Variants in MTMR10 observed in about 807,000 individuals in gnomAD.
The protein encoded by MTMR10 is myotubularin related protein 10, also known as myotubularin-related protein 10.
A neutral mutation model predicts 88.1 loss-of-function variants in MTMR10; 56 were observed. The ratio of observed to expected loss-of-function variants is 0.64; its 90% CI spans 0.51 to 0.79. The LOEUF (loss-of-function observed/expected upper bound fraction) is 0.79, where lower values mean the gene tolerates loss of function less well. Among genes scored for constraint, MTMR10 ranks in the 30% least tolerant of loss-of-function variants. MTMR10 has a pLI of 0.00. For synonymous variants in MTMR10, 380 were observed against 340.9 expected (o/e 1.11, Z -1.26); for missense variants, 883 against 924.7 (o/e 0.95, Z 0.58).
At chr15:30,922,109 G>T in the MTMR10 span, 1 of 1,246,260 alleles carries the variant, frequency 8.0e-7, no homozygotes, top group Non-Finnish European at 1.1e-6. Context: ...CGGGGTCCTT[G>T]GCCTCATTGT....
At chr15:30,925,988 C>G in the MTMR10 span, 2 of 1,594,302 alleles carry the variant, frequency 1.3e-6, no homozygotes. Flanking sequence ...GGTGGACGAG[C>G]AGCAGCACTG....
chr15:30,930,718 A>G, the MTMR10 span: 5 of 1,603,814 alleles, frequency 3.1e-6, no homozygotes, highest in South Asian at 3.3e-5. Flanking sequence ...CTTATTAGCA[A>G]CTGAATCAGA....
chr15:30,938,824 T>G, downstream of MTMR10: 1 of 826,406 alleles, frequency 1.2e-6, no homozygotes, highest in Non-Finnish European at 1.5e-6. Context: ...CTACCTGGCT[T>G]TAGAGGGCAA....
downstream of MTMR10, among the ~76,000 whole-genome samples, chr15:30,935,626 A>G (rs1044276330): frequency 6.6e-6 from 1 of 152,106 alleles, no homozygotes; most frequent in African/African-American, 2.4e-5. Flanking sequence ...GCATCCATGG[A>G]TTTTGGTAAC....
At chr15:30,932,045 ACCCCGTCT>A in the MTMR10 span, among the ~76,000 whole-genome samples, 1 of 151,890 alleles carries the variant, frequency 6.6e-6, no homozygotes, top group African/African-American at 2.4e-5. Flanking sequence ...ACATGGTGAA[ACCCCGTCT>A]CTACTAAAAA....
In MTMR10 at chr15:30,939,162, G is replaced by A; in HGVS notation, c.*2308C>T. 2 of 985,316 alleles carry A rather than the reference G, an allele frequency of 2.0e-6. No homozygotes were observed. The highest frequency in any genetic ancestry group is 2.4e-6 in the Non-Finnish European group (2 of 829,808). The allele number at this position is 985,316 out of a possible 1,614,324, so 61.0% of individuals were successfully genotyped here. On this transcript the variant is annotated 3_prime_UTR_variant, in exon 16 of 16. Transcript: ENST00000435680. ...CAAATGTGAACAGCTTTCACCCTCT[G>A]TTAGTACAAATTAATATCCTTTCCT... is the stretch of plus-strand genomic sequence containing the variant.
chr15:30,929,371 C>T, the MTMR10 span: 325 of 1,607,520 alleles, frequency 2.0e-4, 2 homozygotes, highest in East Asian at 5.9e-3. Context: ...CAGCTGGGAT[C>T]GCTTCACGTC....
intron 9 of MTMR10, among the ~76,000 whole-genome samples, chr15:30,957,411 A>G (rs1448349556): frequency 6.6e-6 from 1 of 152,182 alleles, no homozygotes. Context: ...TGAGGAAATG[A>G]TGTTTGAATT....
intron 15 of MTMR10, 143 bp from the exon 16 acceptor site, chr15:30,942,215 C>G: frequency 9.7e-7 from 1 of 1,027,340 alleles, no homozygotes; most frequent in South Asian, 1.6e-5. Context: ...CCTTTGTGTC[C>G]TTATTCTAAT....
chr15:30,927,528 G>C, the MTMR10 span: 3 of 985,772 alleles, frequency 3.0e-6, no homozygotes, highest in Non-Finnish European at 3.6e-6. Flanking sequence ...CAGGCATGAC[G>C]GGCTGTGGCT....
chr15:30,932,192 A>C, the MTMR10 span, among the ~76,000 whole-genome samples: 1 of 143,026 alleles, frequency 7.0e-6, no homozygotes, highest in African/African-American at 2.6e-5. Flanking sequence ...ACTGCACTCC[A>C]GCCTGGGCAA....
Position 30,939,697 on chromosome 15 carries a change from C to T in MTMR10, c.*1773G>A, listed in dbSNP as rs2140979294. The T allele has an allele frequency of 1.0e-6, 1 of 967,098 alleles. No individual in the cohort carries two copies. Among genetic ancestry groups the T allele is most frequent in the East Asian group, 1.1e-4 (1 of 8,708 alleles). 59.9% of individuals were successfully genotyped at this position (967,098 alleles called of 1,614,324 possible). On this transcript the variant is annotated 3_prime_UTR_variant, in exon 16 of 16. Transcript: ENST00000435680. ...GAAGAAAATTACAGAGGGAAAAATG[C>T]TCAATCCAAAACATTTAGTAATAAT...
chr15:30,929,170 A>G, the MTMR10 span: 1 of 1,598,900 alleles, frequency 6.3e-7, no homozygotes. Context: ...CTCTGCAGGC[A>G]CAGTATGACA....
intron 6 of MTMR10, among the ~76,000 whole-genome samples, chr15:30,964,081 T>TC (rs1316450341): frequency 1.3e-5 from 2 of 152,044 alleles, no homozygotes; most frequent in Non-Finnish European, 2.9e-5. Context: ...TAGAGGGTGT[T>TC]TATCAAAAAG....
chr15:30,967,567 T>C (rs2063487553), intron 6 of MTMR10, among the ~76,000 whole-genome samples: 1 of 152,210 alleles, frequency 6.6e-6, no homozygotes, highest in Non-Finnish European at 1.5e-5. Context: ...AATATATCTT[T>C]TAGTTTTCTG....
In MTMR10 at chr15:30,991,559, C is replaced by A; in HGVS notation, c.-53G>T. On this transcript the variant is annotated 5_prime_UTR_variant, in exon 1 of 16. Transcript: ENST00000435680. Reference sequence around the variant, plus strand: ...CGTCGCGGGCCAGTGGCAGCGCCGACGCCTCCGGGCGTAAAGCTCTCAGTG... The same window carrying A: ...CGTCGCGGGCCAGTGGCAGCGCCGAAGCCTCCGGGCGTAAAGCTCTCAGTG... The A allele has an allele frequency of 1.3e-6, 2 of 1,522,462 alleles. No homozygotes were observed. Among genetic ancestry groups the A allele is most frequent in the Non-Finnish European group, 8.7e-7 (1 of 1,143,920 alleles). The allele number at this position is 1,522,462 out of a possible 1,614,324, so 94.3% of individuals were successfully genotyped here. A position where few individuals can be genotyped will look rare whatever the true frequency, so the allele number is the denominator to read the frequency against.
chr15:30,928,125 A>C, the MTMR10 span: 3 of 1,003,908 alleles, frequency 3.0e-6, no homozygotes, highest in Non-Finnish European at 3.6e-6. Flanking sequence ...TTAGGGAAGC[A>C]TTTCTTCAGG....
In MTMR10 at chr15:30,942,104, G is replaced by A. The variant is rs1057462401; in HGVS notation, c.1732-32C>T. 2.5e-6 allele frequency: 4 copies of A among 1,576,460 alleles called. No homozygotes were observed. The South Asian group carries it at 3.5e-5, about 14-fold the overall frequency. ...AGAAGAGATTTTATTATGTTCCGGG[G>A]ATTCCCTTTTTAGAAAGATTGAAGG... On this transcript the variant is annotated intron_variant, in intron 15 of 15. Coordinates refer to ENST00000435680, the MANE Select transcript of MTMR10 (RefSeq NM_017762.3).
chr15:30,978,727 A>T (rs2030341169), intron 2 of MTMR10, among the ~76,000 whole-genome samples: 1 of 152,206 alleles, frequency 6.6e-6, no homozygotes, highest in South Asian at 2.1e-4. Context: ...TCTTAAAAAG[A>T]AGTAGTGGAC....
Sources: gnomAD v4.1 joint callset for allele counts (sites outside exome capture counted in the v4.1 genomes callset) on GRCh38, gnomAD v4.1.1 for gene constraint, MANE v1.5 for transcripts, NCBI Gene and HGNC (gene_info 2026-07-23, HGNC 2026-07-21) for gene names.